PDLIM5: variants seen among roughly 807,000 people sequenced by gnomAD.
The protein encoded by PDLIM5 is PDZ and LIM domain 5, also known as PDZ and LIM domain protein 5.
Under a neutral mutation model 64.2 loss-of-function variants are expected in PDLIM5, and 34 were observed. The observed-to-expected ratio is 0.53, with a 90% CI of 0.40 to 0.71. The LOEUF (loss-of-function observed/expected upper bound fraction) is 0.71. PDLIM5 is among the 30% of genes least tolerant of loss of function. The pLI is 0.00. For missense variants in PDLIM5, 683 were observed against 733.6 expected (o/e 0.93, Z 0.80); for synonymous variants, 253 against 269.1 (o/e 0.94, Z 0.59).
intron 2 of PDLIM5, among the ~76,000 whole-genome samples, chr4:94,521,134 G>T (rs747366351): frequency 5.9e-5 from 9 of 152,116 alleles, no homozygotes; most frequent in Admixed American, 1.3e-4. Flanking sequence ...ATTATAGATG[G>T]CTTGTATTTT....
chr4:94,618,212 G>A, intron 8 of PDLIM5, 21 bp downstream of exon 8: 1 of 1,531,764 alleles, frequency 6.5e-7, no homozygotes. Flanking sequence ...GAAATCTCTT[G>A]CGTCTTGCTT....
At chr4:94,622,344 A>G (rs1298541485) in intron 8 of PDLIM5, among the ~76,000 whole-genome samples, 1 of 152,204 alleles carries the variant, frequency 6.6e-6, no homozygotes, top group Non-Finnish European at 1.5e-5. Flanking sequence ...TGTATAAAAT[A>G]TTACTATCTT....
intron 3 of PDLIM5, among the ~76,000 whole-genome samples, chr4:94,546,602 A>G (rs1732340602): frequency 6.6e-6 from 1 of 152,188 alleles, no homozygotes; most frequent in South Asian, 2.1e-4. Flanking sequence ...CTAATATTAA[A>G]TACAAATTAA....
At chr4:94,536,208 A>G (rs1457900471) in intron 3 of PDLIM5, among the ~76,000 whole-genome samples, 1 of 152,056 alleles carries the variant, frequency 6.6e-6, no homozygotes, top group Non-Finnish European at 1.5e-5. Context: ...GACTGAGGAG[A>G]GACAGCATGA....
chr4:94,646,690 G>A (rs890691117), intron 9 of PDLIM5, among the ~76,000 whole-genome samples: 1 of 152,104 alleles, frequency 6.6e-6, no homozygotes, highest in Non-Finnish European at 1.5e-5. Flanking sequence ...AAGCAGTAAG[G>A]TTCAGAAGTC....
chr4:94,564,048 C>G (rs556992299), intron 3 of PDLIM5, among the ~76,000 whole-genome samples: 1 of 150,990 alleles, frequency 6.6e-6, no homozygotes, highest in South Asian at 2.1e-4. Flanking sequence ...ACTACAGCCT[C>G]CACCTCCCAG....
chr4:94,485,330 G>T (rs1400430211), intron 2 of PDLIM5, among the ~76,000 whole-genome samples: 2 of 150,380 alleles, frequency 1.3e-5, no homozygotes, highest in Admixed American at 1.3e-4. Flanking sequence ...CCATTTACTC[G>T]TGTTAGCACC....
chr4:94,513,010 G>A (rs1036821822), intron 2 of PDLIM5, among the ~76,000 whole-genome samples: 1 of 152,086 alleles, frequency 6.6e-6, no homozygotes, highest in Non-Finnish European at 1.5e-5. Flanking sequence ...CCAGTGTATG[G>A]TCTTGGCACT....
Position 94,664,180 on chromosome 4 carries a change from C to A in PDLIM5, c.*113C>A. 5 of 1,255,578 alleles carry A rather than the reference C, an allele frequency of 4.0e-6. No individual in the cohort carries two copies. The highest frequency in any genetic ancestry group is 5.1e-6 in the Non-Finnish European group (5 of 987,260). The allele number at this position is 1,255,578 out of a possible 1,614,324, so 77.8% of individuals were successfully genotyped here. ...TGGAGTTTTGAAAAATAATAGTGGC[C>A]CTGAAGGAATAAATTCCAGCTTTAA... On this transcript the variant is annotated 3_prime_UTR_variant, in exon 13 of 13. Transcript: ENST00000317968.
chr4:94,470,311 G>C (rs550640144), intron 2 of PDLIM5, among the ~76,000 whole-genome samples: 26 of 152,092 alleles, frequency 1.7e-4, no homozygotes, highest in Admixed American at 3.9e-4. Flanking sequence ...CTCCCAGATG[G>C]CTTCTGTTTT....
chr4:94,506,371 C>T (rs375358880), intron 2 of PDLIM5, among the ~76,000 whole-genome samples: 32 of 152,190 alleles, frequency 2.1e-4, no homozygotes, highest in African/African-American at 4.8e-4. Flanking sequence ...AATTTATAAA[C>T]GACATTATTT....
intron 2 of PDLIM5, among the ~76,000 whole-genome samples, chr4:94,505,265 T>TC (rs1286473928): frequency 6.9e-6 from 1 of 143,986 alleles, no homozygotes; most frequent in African/African-American, 2.5e-5. Flanking sequence ...CTTAAGTCAC[T>TC]TTTTTTTTTT....
chr4:94,598,926 C>T (rs1578445506), intron 7 of PDLIM5, among the ~76,000 whole-genome samples: 1 of 151,814 alleles, frequency 6.6e-6, no homozygotes, highest in East Asian at 1.9e-4. Flanking sequence ...TGCAGAGTCC[C>T]TGAGACAGGA....
chr4:94,505,034 TA>T (rs1728264014), intron 2 of PDLIM5, among the ~76,000 whole-genome samples: 1 of 152,172 alleles, frequency 6.6e-6, no homozygotes, highest in Non-Finnish European at 1.5e-5. Context: ...GTGGTGGGGA[TA>T]AAACCAAAGT....
chr4:94,535,344 A>T (rs1325682855), intron 3 of PDLIM5, among the ~76,000 whole-genome samples: 1 of 152,142 alleles, frequency 6.6e-6, no homozygotes, highest in Non-Finnish European at 1.5e-5. Flanking sequence ...TCTTCTGCTC[A>T]CTGAAGTCTG....
chr4:94,587,230 G>T, intron 7 of PDLIM5: 1 of 1,308,148 alleles, frequency 7.6e-7, no homozygotes, highest in Non-Finnish European at 9.7e-7. Context: ...ATTGTTGTGA[G>T]AAAAGGAAGA....
intron 2 of PDLIM5, among the ~76,000 whole-genome samples, chr4:94,487,184 G>A (rs1047606335): frequency 6.6e-6 from 1 of 151,924 alleles, no homozygotes; most frequent in African/African-American, 2.4e-5. Context: ...TTTGCTATGG[G>A]CAGCTGAATG....
rs543893506 is a variant in PDLIM5, at chr4:94,454,834, G to GA, written c.-42-410dup. ...ACTTAGAATTTAAGTAAGTGCAGTTGAAAGACTCTTGTCAATTGCAGACAA... is the reference window on the plus strand; with the variant it reads ...ACTTAGAATTTAAGTAAGTGCAGTTGAAAAGACTCTTGTCAATTGCAGACAA... On this transcript the variant is annotated intron_variant, in intron 1 of 12. Transcript: ENST00000317968. Among the ~76,000 whole-genome samples, 27 of 152,328 alleles carry GA rather than the reference G, an allele frequency of 1.8e-4. 1 individual carries two copies. The South Asian group carries it at 5.4e-3, about 30-fold the overall frequency.
chr4:94,534,215 G>GT (rs1307799880), intron 3 of PDLIM5, among the ~76,000 whole-genome samples: 1 of 152,010 alleles, frequency 6.6e-6, no homozygotes, highest in Non-Finnish European at 1.5e-5. Context: ...AAAAATGTGA[G>GT]TTTTTTCTCT....
Sources: allele counts gnomAD v4.1 joint callset (sites outside exome capture counted in the v4.1 genomes callset), GRCh38; gene constraint gnomAD v4.1.1; transcripts MANE v1.5; gene names NCBI Gene and HGNC (gene_info 2026-07-23, HGNC 2026-07-21).